Variants in HSPBAP1 observed in about 807,000 individuals in gnomAD.
HSPBAP1 encodes HSPB1-associated protein 1.
HSPBAP1 carries 27 observed loss-of-function variants against 45.2 expected under a neutral mutation model. That is an observed-to-expected ratio of 0.60 (90% CI 0.44 to 0.82). The LOEUF (loss-of-function observed/expected upper bound fraction) is 0.82, where lower values mean the gene tolerates loss of function less well. Ranked by LOEUF, HSPBAP1 falls within the 40% of genes least tolerant of loss-of-function variation. The pLI is 0.00. For synonymous variants in HSPBAP1, 204 were observed against 202.7 expected (o/e 1.01, Z -0.06); for missense variants, 510 against 590.9 (o/e 0.86, Z 1.42).
chr3:122,793,382 A>C (rs1935897449), intron 1 of HSPBAP1, among the ~76,000 whole-genome samples: 1 of 152,244 alleles, frequency 6.6e-6, no homozygotes, highest in African/African-American at 2.4e-5. Context: ...CAAAACAAAA[A>C]TAACACCCCA....
intron 6 of HSPBAP1, among the ~76,000 whole-genome samples, chr3:122,746,943 G>C (rs1443589096): frequency 6.6e-6 from 1 of 151,040 alleles, no homozygotes; most frequent in African/African-American, 2.4e-5. Flanking sequence ...ACGGAGTCTC[G>C]TTCACTCAGT....
At position 122,755,437 on chromosome 3, in the gene HSPBAP1, TA is replaced by T. The variant is rs56210865; in HGVS notation, c.570-7del. ...GAAAGAGATGCCATCGTTTCCTAAT[TA>T]AAAAAAAAAAAAAAAGATACAAGTT... On this transcript the variant is annotated splice_polypyrimidine_tract_variant and splice_region_variant and intron_variant, in intron 4 of 7. Coordinates refer to ENST00000306103, the MANE Select transcript of HSPBAP1 (RefSeq NM_024610.6). 0.13 allele frequency: 150,682 copies of T among 1,126,692 alleles called. 21 individuals carry two copies. The highest frequency in any genetic ancestry group is 0.22 in the East Asian group (6,455 of 29,738). 69.8% of individuals were successfully genotyped at this position (1,126,692 alleles called of 1,614,324 possible). A position where few individuals can be genotyped will look rare whatever the true frequency, so the allele number is the denominator to read the frequency against.
chr3:122,770,448 C>T (rs1371455676), intron 2 of HSPBAP1, among the ~76,000 whole-genome samples: 1 of 152,148 alleles, frequency 6.6e-6, no homozygotes, highest in African/African-American at 2.4e-5. Context: ...CCTATAATCC[C>T]AGCACTTTGG....
chr3:122,789,732 A>G (rs1935764166), intron 1 of HSPBAP1, among the ~76,000 whole-genome samples: 1 of 152,196 alleles, frequency 6.6e-6, no homozygotes, highest in African/African-American at 2.4e-5. Context: ...ATGAGCTATC[A>G]AGCATAACCA....
At chr3:122,780,848 G>A (rs879249560) in intron 1 of HSPBAP1, among the ~76,000 whole-genome samples, 23 of 138,994 alleles carry the variant, frequency 1.7e-4, no homozygotes, top group Admixed American at 2.8e-4. Context: ...CGGGGCGGCC[G>A]GGCAGAGACG....
At chr3:122,742,900 TTCTA>T (rs773601189) in intron 6 of HSPBAP1, among the ~76,000 whole-genome samples, 8 of 152,212 alleles carry the variant, frequency 5.3e-5, no homozygotes, top group Non-Finnish European at 8.8e-5. Context: ...ATACAGACAT[TTCTA>T]TCTATGTATT....
At chr3:122,775,658 G>A (rs904399110) in intron 2 of HSPBAP1, among the ~76,000 whole-genome samples, 4 of 152,062 alleles carry the variant, frequency 2.6e-5, no homozygotes, top group Non-Finnish European at 1.5e-5. Flanking sequence ...CAAGGATGTG[G>A]AAAAAACTGG....
rs559725370 is a variant in HSPBAP1, at chr3:122,740,696, G to C, written c.1116C>G (p.Ser372Arg). ...TGTCTGTTCCTGTGGTCAAGTTCTG[G>C]CTACCTGTTTGGCCCACCTCCATGT... The part of the protein sequence containing the change: ...CNHMEVGQTG[S>R]QNLTTGTDKP... The change falls in exon 8 of 8, where the codon AGC becomes AGG. Residue 372 changes from serine (S) to arginine (R), a missense_variant. Physicochemically the swap from Ser to Arg is moderately radical, Grantham distance 110. Coordinates refer to ENST00000306103, the MANE Select transcript of HSPBAP1 (RefSeq NM_024610.6). 1.2e-6 allele frequency: 2 copies of C among 1,613,972 alleles called. No individual in the cohort carries two copies. The highest frequency in any genetic ancestry group is 4.5e-5 in the East Asian group (2 of 44,880).
At chr3:122,779,209 T>G (rs138938682) in intron 1 of HSPBAP1, among the ~76,000 whole-genome samples, 4,893 of 151,724 alleles carry the variant, frequency 0.032, 109 homozygotes, top group Middle Eastern at 0.078. Context: ...GCCAGGTTAA[T>G]TTTTTGTATT....
At chr3:122,768,950 A>T (rs546201802) in intron 2 of HSPBAP1, 68 bp from the exon 3 acceptor site, 295 of 1,042,950 alleles carry the variant, frequency 2.8e-4, no homozygotes, top group East Asian at 6.5e-4. Context: ...TTTTTTTTTT[A>T]AAATAAAGAT....
Position 122,759,214 on chromosome 3 carries a change from C to CAT in HSPBAP1, c.569+9_569+10insAT. 6.2e-7 allele frequency: 1 copy of CAT among 1,609,520 alleles called. No individual in the cohort carries two copies. Among genetic ancestry groups the CAT allele is most frequent in the Non-Finnish European group, 8.5e-7 (1 of 1,177,888 alleles). On this transcript the variant is annotated intron_variant, in intron 4 of 7. Transcript: ENST00000306103. ...ACACACACACACACACACACACACA[C>CAT]ACACATTACCTTCCTTGTACCTGGA...
intron 6 of HSPBAP1, among the ~76,000 whole-genome samples, chr3:122,746,537 C>T (rs1329218916): frequency 6.6e-6 from 1 of 151,748 alleles, no homozygotes; most frequent in East Asian, 1.9e-4. Context: ...GGAAAACAAA[C>T]TGTAAAATAA....
intron 1 of HSPBAP1, among the ~76,000 whole-genome samples, chr3:122,781,573 G>C (rs1336495234): frequency 6.6e-6 from 1 of 152,142 alleles, no homozygotes; most frequent in Non-Finnish European, 1.5e-5. Context: ...GAGACGGAGA[G>C]AGAGAGGGAG....
chr3:122,763,734 T>A (rs1377200570), intron 3 of HSPBAP1, among the ~76,000 whole-genome samples: 1 of 152,252 alleles, frequency 6.6e-6, no homozygotes, highest in Non-Finnish European at 1.5e-5. Flanking sequence ...CTCTAAGTAA[T>A]TCTAAAACAG....
intron 5 of HSPBAP1, chr3:122,754,959 T>C: frequency 3.8e-6 from 4 of 1,061,416 alleles, no homozygotes; most frequent in Non-Finnish European, 3.4e-6. Flanking sequence ...CCTTGAACAT[T>C]TTCTCCTGAC....
chr3:122,758,435 G>C (rs1934434872), intron 4 of HSPBAP1, among the ~76,000 whole-genome samples: 1 of 152,158 alleles, frequency 6.6e-6, no homozygotes, highest in Non-Finnish European at 1.5e-5. Flanking sequence ...CTAAAATTTA[G>C]AGTTGAAAGC....
intron 1 of HSPBAP1, among the ~76,000 whole-genome samples, chr3:122,780,273 C>T (rs1576271284): frequency 2.3e-5 from 2 of 88,690 alleles, no homozygotes; most frequent in African/African-American, 8.7e-5. Flanking sequence ...GGCGGCTGGC[C>T]GGGCGGGGGG....
intron 3 of HSPBAP1, among the ~76,000 whole-genome samples, chr3:122,765,451 C>T (rs933680715): frequency 6.6e-6 from 1 of 151,684 alleles, no homozygotes; most frequent in African/African-American, 2.4e-5. Flanking sequence ...TGTGGTGGTG[C>T]ACGCCTGTAA....
chr3:122,775,937 A>C (rs917133218), intron 2 of HSPBAP1, among the ~76,000 whole-genome samples: 8 of 152,252 alleles, frequency 5.3e-5, no homozygotes, highest in Admixed American at 3.9e-4. Context: ...TGGCAATAGA[A>C]AGAATTGAAG....
Sources: allele counts gnomAD v4.1 joint callset (sites outside exome capture counted in the v4.1 genomes callset), GRCh38; gene constraint gnomAD v4.1.1; transcripts MANE v1.5; gene names NCBI Gene and HGNC (gene_info 2026-07-23, HGNC 2026-07-21).